Variants in PCLO observed in about 807,000 individuals in gnomAD.
PCLO encodes protein piccolo.
A neutral mutation model predicts 427.5 loss-of-function variants in PCLO; 82 were observed. The ratio of observed to expected loss-of-function variants is 0.19; its 90% confidence interval spans 0.16 to 0.23. The LOEUF is 0.23. Ranked by LOEUF, PCLO falls within the 10% of genes least tolerant of loss-of-function variation. PCLO has a pLI of 1.00. For synonymous variants in PCLO, 2,357 were observed against 2,155.4 expected, an observed-to-expected ratio of 1.09 and a Z score of -2.59; for missense variants, 6,239 against 6,115.9, an observed-to-expected ratio of 1.02 and a Z score of -0.67.
At chr7:82,810,269 A>T (rs1791541864) in intron 20 of PCLO, among the ~76,000 whole-genome samples, 1 of 151,716 alleles carries the variant, frequency 6.6e-6, no homozygotes, top group Non-Finnish European at 1.5e-5. Flanking sequence ...CAACTCTTTT[A>T]ATTAGAGTTT....
chr7:83,085,173 T>C (rs1790199609), intron 3 of PCLO, among the ~76,000 whole-genome samples: 1 of 152,120 alleles, frequency 6.6e-6, no homozygotes, highest in South Asian at 2.1e-4. Flanking sequence ...ATTAGTCTCT[T>C]TATAATCCTG....
intron 3 of PCLO, among the ~76,000 whole-genome samples, chr7:83,107,996 A>C (rs1790908243): frequency 6.6e-6 from 1 of 150,812 alleles, no homozygotes; most frequent in Non-Finnish European, 1.5e-5. Context: ...TAAAAAAAAA[A>C]AAAAAAAAAA....
intron 18 of PCLO, among the ~76,000 whole-genome samples, chr7:82,825,458 G>C (rs1791911413): frequency 6.6e-6 from 1 of 151,978 alleles, no homozygotes; most frequent in South Asian, 2.1e-4. Flanking sequence ...TTGGTGAAAA[G>C]AGATGTGCAA....
chr7:83,010,410 C>T (rs1451309682), intron 3 of PCLO, among the ~76,000 whole-genome samples: 1 of 151,554 alleles, frequency 6.6e-6, no homozygotes, highest in African/African-American at 2.4e-5. Flanking sequence ...TGAATAGCAC[C>T]GATATCCAAT....
intron 3 of PCLO, among the ~76,000 whole-genome samples, chr7:82,967,788 A>G (rs1255675876): frequency 6.6e-6 from 1 of 152,212 alleles, no homozygotes. Context: ...CTTACATTAT[A>G]TCTATTCTAA....
intron 14 of PCLO, among the ~76,000 whole-genome samples, chr7:82,840,223 C>T (rs976108225): frequency 6.6e-6 from 1 of 152,018 alleles, no homozygotes. Context: ...TTGGAAATAG[C>T]AGAGAAACAG....
chr7:83,154,691 T>C, intron 2 of PCLO, 57 bp downstream of exon 2: 2 of 1,213,462 alleles, frequency 1.6e-6, no homozygotes, highest in Non-Finnish European at 2.4e-6. Context: ...TAAGCATCAT[T>C]TGTATAAGAG....
chr7:82,847,154 T>G lies in PCLO; in HGVS notation c.13748A>C (p.Glu4583Ala). ...AAAAACTCACAGTCTTACACATATT[T>G]CTGCTTCCCCACTTTGCTGACTAAT... is the stretch of plus-strand genomic sequence containing the variant. ...SIISQQSGEA[E>A]ICVRLDLNML... The change falls in exon 11 of 25, where the codon GAA becomes GCA. Residue 4583 changes from glutamate (E) to alanine (A), a missense_variant. By Grantham distance (107) the Glu-to-Ala change is moderately radical. This residue lies in a region of PCLO where 877 missense variants were observed against 925.5 expected (regional missense o/e 0.95). Transcript: ENST00000333891. The G allele has an allele frequency of 6.3e-7, 1 of 1,587,090 alleles. No individual in the cohort carries two copies. The highest frequency in any genetic ancestry group is 8.6e-7 in the Non-Finnish European group (1 of 1,158,056).
intron 3 of PCLO, among the ~76,000 whole-genome samples, chr7:83,116,049 CA>C (rs1390832737): frequency 6.6e-6 from 1 of 151,806 alleles, no homozygotes; most frequent in African/African-American, 2.4e-5. Context: ...CATATTATTT[CA>C]ATTAAATGGA....
intron 20 of PCLO, among the ~76,000 whole-genome samples, chr7:82,819,066 ATT>A (rs918713685): frequency 4.7e-4 from 72 of 152,184 alleles, no homozygotes; most frequent in Non-Finnish European, 1.3e-4. Flanking sequence ...TTTTATATAA[ATT>A]TAACACTATA....
At chr7:82,769,719 T>C (rs1389267864) in intron 22 of PCLO, among the ~76,000 whole-genome samples, 9 of 152,168 alleles carry the variant, frequency 5.9e-5, no homozygotes, top group African/African-American at 2.2e-4. Context: ...TACACTGTAT[T>C]TGCAAATTTT....
At chr7:82,937,484 A>G (rs1472182553) in intron 6 of PCLO, among the ~76,000 whole-genome samples, 1 of 151,684 alleles carries the variant, frequency 6.6e-6, no homozygotes, top group Non-Finnish European at 1.5e-5. Flanking sequence ...ATTTCCCTGA[A>G]CTATTCAAAA....
At chr7:83,106,385 A>C (rs1790856625) in intron 3 of PCLO, among the ~76,000 whole-genome samples, 1 of 152,210 alleles carries the variant, frequency 6.6e-6, no homozygotes, top group Non-Finnish European at 1.5e-5. Context: ...TCAAGTGTCC[A>C]TCACAAGAGG....
Position 83,156,348 on chromosome 7 carries a change from C to T in PCLO, c.293G>A (p.Arg98Lys). 6.2e-7 allele frequency: 1 copy of T among 1,608,228 alleles called. No homozygotes were observed. Among genetic ancestry groups the T allele is most frequent in the East Asian group, 2.2e-5 (1 of 44,654 alleles). The change falls in exon 2 of 25, where the codon AGA becomes AAA. Residue 98 changes from arginine (R) to lysine (K), a missense_variant. Around this residue, in one of 5 missense-constraint regions of PCLO, gnomAD observed 4,677 missense variants for 4,468.4 expected, o/e 1.05. Transcript: ENST00000333891. ...AGCTGGACGCCCAGGGTCCGGGGGT[C>T]TTCCTGATTGCTTTGGAGGATGACT... ...DSSHPPKQSG[R>K]PPDPGRPAQP... is the part of the protein sequence containing the mutation.
intron 3 of PCLO, among the ~76,000 whole-genome samples, chr7:83,014,676 C>G (rs1244417410): frequency 2.0e-5 from 3 of 151,984 alleles, no homozygotes; most frequent in Non-Finnish European, 4.4e-5. Context: ...TCTTGGTTCC[C>G]AGACATTGAC....
At chr7:83,146,919 C>T (rs1473480633) in intron 2 of PCLO, among the ~76,000 whole-genome samples, 4 of 151,874 alleles carry the variant, frequency 2.6e-5, no homozygotes, top group East Asian at 1.9e-4. Flanking sequence ...ATGATCTTAA[C>T]GGTGGGTATC....
At chr7:82,761,585 T>A (rs1289913221) in intron 22 of PCLO, 92 bp from the exon 23 acceptor site, 1 of 866,852 alleles carries the variant, frequency 1.2e-6, no homozygotes, top group Non-Finnish European at 1.8e-6. Flanking sequence ...ATTTACTCTT[T>A]ATCAAGTGCT....
intron 6 of PCLO, among the ~76,000 whole-genome samples, chr7:82,930,827 A>T (rs1333269751): frequency 6.6e-6 from 1 of 152,102 alleles, no homozygotes; most frequent in Non-Finnish European, 1.5e-5. Flanking sequence ...ATGATATGTG[A>T]TGGGTCTAGA....
intron 3 of PCLO, among the ~76,000 whole-genome samples, chr7:83,095,794 A>G (rs888264775): frequency 3.9e-5 from 6 of 152,016 alleles, no homozygotes; most frequent in South Asian, 2.1e-4. Context: ...AACTCATTCT[A>G]TATGATTTAA....
Sources: gnomAD v4.1 joint callset for allele counts (sites outside exome capture counted in the v4.1 genomes callset) on GRCh38, gnomAD v4.1.1 for gene constraint, gnomAD v4.1.1 regional missense constraint, MANE v1.5 for transcripts, NCBI Gene and HGNC (gene_info 2026-07-23, HGNC 2026-07-21) for gene names.